SKAP2: variants seen among roughly 807,000 people sequenced by gnomAD.
SKAP2 encodes the protein src kinase-associated phosphoprotein 2.
In SKAP2, 28 loss-of-function variants were observed where a neutral mutation model predicts 54.9. That is an observed-to-expected ratio of 0.51 (90% CI 0.38 to 0.70). The LOEUF is 0.70. Ranked by LOEUF, SKAP2 falls within the 30% of genes least tolerant of loss-of-function variation. The probability of loss-of-function intolerance (pLI) is 0.00; values close to 1 mark genes in which losing one functional copy is unlikely to be tolerated. For missense variants in SKAP2, 356 were observed against 424.1 expected (o/e 0.84, Z 1.41); for synonymous variants, 137 against 134.3 (o/e 1.02, Z -0.14).
At chr7:26,849,452 G>A (rs1784993567) in intron 3 of SKAP2, among the ~76,000 whole-genome samples, 2 of 152,050 alleles carry the variant, frequency 1.3e-5, no homozygotes, top group Non-Finnish European at 2.9e-5. Flanking sequence ...GGGAGGCCAA[G>A]GTGGGCAGAT....
chr7:26,690,447 TAA>T (rs1176617153), intron 9 of SKAP2, 85 bp from the exon 10 acceptor site: 2 of 811,896 alleles, frequency 2.5e-6, no homozygotes, highest in African/African-American at 3.5e-5. Context: ...AAAGCAAAAC[TAA>T]AAGTTTATAA....
intron 4 of SKAP2, among the ~76,000 whole-genome samples, chr7:26,834,811 C>T (rs181662960): frequency 6.6e-5 from 10 of 152,016 alleles, no homozygotes; most frequent in Admixed American, 6.6e-4. Flanking sequence ...TTCCAAACAA[C>T]AGAAAAAGAG....
At chr7:26,662,432 T>C (rs1289830525), downstream of SKAP2, among the ~76,000 whole-genome samples, 1 of 152,134 alleles carries the variant, frequency 6.6e-6, no homozygotes, top group Non-Finnish European at 1.5e-5. Flanking sequence ...CTTAGGACAC[T>C]GCTAGTGGCT....
At chr7:26,775,560 TGTGTGTGTG>T (rs1783286819) in intron 4 of SKAP2, among the ~76,000 whole-genome samples, 2 of 151,636 alleles carry the variant, frequency 1.3e-5, no homozygotes, top group Non-Finnish European at 1.5e-5. Flanking sequence ...TGTGTGTGTG[TGTGTGTGTG>T]TTTTCTATGG....
chr7:26,807,240 T>C (rs1444816656), intron 4 of SKAP2, among the ~76,000 whole-genome samples: 5 of 152,174 alleles, frequency 3.3e-5, no homozygotes, highest in South Asian at 2.1e-4. Flanking sequence ...TTTGAGAGGA[T>C]TGCCTCTGAT....
intron 10 of SKAP2, among the ~76,000 whole-genome samples, chr7:26,686,748 A>C (rs1441080883): frequency 1.3e-5 from 2 of 152,196 alleles, no homozygotes; most frequent in Non-Finnish European, 2.9e-5. Flanking sequence ...TGTCAGTGTC[A>C]GTTTAAAAGT....
chr7:26,726,239 G>A (rs993230338), intron 7 of SKAP2, among the ~76,000 whole-genome samples: 2 of 152,102 alleles, frequency 1.3e-5, no homozygotes, highest in African/African-American at 4.8e-5. Flanking sequence ...TTTCATCAAT[G>A]TCAAAGACAG....
At chr7:26,700,321 A>ATC (rs1786994057) in intron 9 of SKAP2, among the ~76,000 whole-genome samples, 1 of 152,108 alleles carries the variant, frequency 6.6e-6, no homozygotes, top group African/African-American at 2.4e-5. Flanking sequence ...TTAGTGTTTC[A>ATC]TCTTCTAGTT....
rs534073665 is a variant in SKAP2, at chr7:26,864,402, G to A, written c.28C>T (p.Pro10Ser). The A allele has an allele frequency of 1.2e-6, 2 of 1,612,296 alleles. No homozygotes were observed. The highest frequency in any genetic ancestry group is 2.2e-5 in the East Asian group (1 of 44,650). The change falls in exon 1 of 13, where the codon CCC becomes TCC. Residue 10 changes from proline to serine, a missense_variant. Transcript: ENST00000345317. MPNPSSTSSPYPLPEEIRNL... is the reference protein window; with the variant it reads MPNPSSTSSSYPLPEEIRNL... ...CTAATTTCCTCAGGGAGGGGGTAGG[G>A]AGAGGAGGTGCTGCTGGGGTTGGGC...
chr7:26,864,135 C>CA (rs1451895072), intron 1 of SKAP2, among the ~76,000 whole-genome samples: 1 of 120,776 alleles, frequency 8.3e-6, no homozygotes, highest in African/African-American at 3.2e-5. Context: ...TGTAGATCAC[C>CA]AAAAAGGGCT....
At chr7:26,666,480 G>T (rs1254115231), downstream of SKAP2, among the ~76,000 whole-genome samples, 1 of 152,056 alleles carries the variant, frequency 6.6e-6, no homozygotes, top group Non-Finnish European at 1.5e-5. Flanking sequence ...GTGAGCCTTT[G>T]TACACATTTA....
intron 10 of SKAP2, among the ~76,000 whole-genome samples, chr7:26,688,724 AC>A (rs1369535105): frequency 6.6e-6 from 1 of 152,098 alleles, no homozygotes; most frequent in Admixed American, 6.5e-5. Context: ...TTTTTTTCCT[AC>A]CCTCAAAGGC....
intron 4 of SKAP2, among the ~76,000 whole-genome samples, chr7:26,787,494 T>C (rs967968282): frequency 3.3e-5 from 5 of 152,000 alleles, no homozygotes; most frequent in African/African-American, 9.7e-5. Context: ...TGGCTAATTT[T>C]TGTATTTTTA....
rs1277350178 is a variant in SKAP2, at chr7:26,770,204, C to T, written c.308-30240G>A. Among the ~76,000 whole-genome samples, 6 of 152,102 alleles carry T rather than the reference C, an allele frequency of 3.9e-5. No homozygotes were observed. The South Asian group carries it at 1.0e-3, about 26-fold the overall frequency. On this transcript the variant is annotated intron_variant, in intron 4 of 12. Coordinates refer to ENST00000345317, the MANE Select transcript of SKAP2 (RefSeq NM_003930.5). The stretch of plus-strand genomic sequence containing the variant: ...TCTGGTTACAGTGGCTTTGCCAAGC[C>T]GTGGTAGGCTCCACCCAGTTTGAAC...
At chr7:26,684,078 T>C (rs1786574196) in intron 11 of SKAP2, among the ~76,000 whole-genome samples, 1 of 152,136 alleles carries the variant, frequency 6.6e-6, no homozygotes. Flanking sequence ...ACTTGACTTT[T>C]AGATCTAAGG....
In SKAP2 at chr7:26,667,358, G is replaced by A. The variant is rs1786122714; in HGVS notation, c.*2308C>T. ...ATATTATTATGATCTTGAAGAGTAT[G>A]TGATATATTGTCAAGGGTGTAAAGA... On this transcript the variant is annotated 3_prime_UTR_variant, in exon 13 of 13. Transcript: ENST00000345317. The A allele has an allele frequency of 6.6e-6, 1 of 152,118 alleles. No individual in the cohort carries two copies. Among genetic ancestry groups the A allele is most frequent in the Admixed American group, 6.5e-5 (1 of 15,268 alleles). 9.4% of individuals were successfully genotyped at this position (152,118 alleles called of 1,614,324 possible).
intron 4 of SKAP2, among the ~76,000 whole-genome samples, chr7:26,834,785 A>G (rs1784671763): frequency 6.6e-6 from 1 of 152,206 alleles, no homozygotes; most frequent in African/African-American, 2.4e-5. Context: ...ATCTGGTACC[A>G]TTCCTTCTGA....
intron 11 of SKAP2, among the ~76,000 whole-genome samples, chr7:26,676,867 T>G (rs1306385763): frequency 6.6e-6 from 1 of 152,176 alleles, no homozygotes; most frequent in Non-Finnish European, 1.5e-5. Flanking sequence ...ACAGCTGGGC[T>G]GAGACTCCAG....
intron 4 of SKAP2, among the ~76,000 whole-genome samples, chr7:26,750,147 C>T (rs944686470): frequency 6.6e-6 from 1 of 152,054 alleles, no homozygotes; most frequent in African/African-American, 2.4e-5. Context: ...TAAATGAATG[C>T]CATCTATAGA....
Sources: gnomAD v4.1 joint callset for allele counts (sites outside exome capture counted in the v4.1 genomes callset) on GRCh38, gnomAD v4.1.1 for gene constraint, MANE v1.5 for transcripts, NCBI Gene and HGNC (gene_info 2026-07-23, HGNC 2026-07-21) for gene names.